CNTN6: variants seen among roughly 807,000 people sequenced by gnomAD.
CNTN6 encodes the protein contactin-6.
A neutral mutation model predicts 122.8 loss-of-function variants in CNTN6; 137 were observed. The ratio of observed to expected loss-of-function variants is 1.12; its 90% CI spans 0.97 to 1.29. CNTN6 has a LOEUF of 1.29. Ranked by LOEUF, CNTN6 falls within the 50% of genes most tolerant of loss-of-function variation. The probability of loss-of-function intolerance (pLI) is 0.00; values close to 1 mark genes in which losing one functional copy is unlikely to be tolerated. For synonymous variants in CNTN6, 570 were observed against 426.0 expected (o/e 1.34, Z -4.16); for missense variants, 1,634 against 1,223.4 (o/e 1.34, Z -5.01).
intron 1 of CNTN6, among the ~76,000 whole-genome samples, chr3:1,146,765 TG>T (rs2092731912): frequency 6.6e-6 from 1 of 152,180 alleles, no homozygotes; most frequent in African/African-American, 2.4e-5. Flanking sequence ...TAAATGCTTA[TG>T]AAAATATAAT....
intron 11 of CNTN6, among the ~76,000 whole-genome samples, chr3:1,340,811 T>A (rs1006337396): frequency 2.0e-5 from 3 of 152,104 alleles, no homozygotes; most frequent in Non-Finnish European, 4.4e-5. Flanking sequence ...TTTCAGATAC[T>A]CATGTCCTGA....
intron 7 of CNTN6, among the ~76,000 whole-genome samples, chr3:1,311,292 CATATACGTATATGTACATATAAAATGTAT>C (rs1699207139): frequency 7.1e-6 from 1 of 140,952 alleles, no homozygotes; most frequent in Non-Finnish European, 1.5e-5. Context: ...TTTATATATA[CATATACGTATATGTACATATAAAATGTAT>C]ATATACATAT....
intron 2 of CNTN6, among the ~76,000 whole-genome samples, chr3:1,177,751 C>T (rs2093477027): frequency 6.6e-6 from 1 of 151,678 alleles, no homozygotes; most frequent in Admixed American, 6.6e-5. Flanking sequence ...GGGAAATATT[C>T]TTTACTTTTT....
At chr3:1,291,445 G>C (rs560308403) in intron 5 of CNTN6, among the ~76,000 whole-genome samples, 2 of 152,154 alleles carry the variant, frequency 1.3e-5, no homozygotes, top group Non-Finnish European at 2.9e-5. Context: ...GATTTCTTGG[G>C]CACTAGTGGC....
intron 2 of CNTN6, among the ~76,000 whole-genome samples, chr3:1,160,018 A>G (rs1032459047): frequency 6.6e-6 from 1 of 151,992 alleles, no homozygotes; most frequent in African/African-American, 2.4e-5. Context: ...ACAAGGTTTC[A>G]TCATGTTGGC....
chr3:1,387,716 A>AGG (rs1693265723), intron 20 of CNTN6, among the ~76,000 whole-genome samples: 1 of 152,184 alleles, frequency 6.6e-6, no homozygotes, highest in East Asian at 1.9e-4. Context: ...CACCGTGCGC[A>AGG]AGCCGAAGCA....
intron 2 of CNTN6, among the ~76,000 whole-genome samples, chr3:1,191,649 A>T (rs1047854161): frequency 1.6e-4 from 24 of 152,122 alleles, no homozygotes; most frequent in African/African-American, 5.8e-4. Flanking sequence ...TGAAACTCCT[A>T]ATTTGTAGCC....
rs148726254 is a variant in CNTN6 at position 1,247,138 on chromosome 3, C to T, written c.358+19145C>T. Among the ~76,000 whole-genome samples, 328 of 152,110 alleles carry T rather than the reference C, an allele frequency of 2.2e-3. 1 individual carries two copies. The highest frequency in any genetic ancestry group is 0.01 in the East Asian group (52 of 5,172). ...ATCTTCTATAGTGTATTTTGTCCTT[C>T]GTATTTAAATTATAATGCACCTGCA... On this transcript the variant is annotated intron_variant, in intron 4 of 22. Transcript: ENST00000446702.
In CNTN6 at chr3:1,327,531, T is replaced by G. The variant is rs1483212275; in HGVS notation, c.1158T>G (p.Cys386Trp). Residue 386 changes from cysteine (C) to tryptophan (W), a missense_variant, in exon 10 of 23, where the codon TGT becomes TGG. Cys to Trp is a radical substitution (Grantham distance 215). Coordinates refer to ENST00000446702, the MANE Select transcript of CNTN6 (RefSeq NM_001289080.2). ...TGTCAGATTCTGGTGTGTACCAATG[T>G]GCTGCAGAAAACAAATATCAGATAA... ...LNVSDSGVYQCAAENKYQIIY... is the reference protein window; with the variant it reads ...LNVSDSGVYQWAAENKYQIIY... 1 of 1,611,002 alleles carries G rather than the reference T, an allele frequency of 6.2e-7. No homozygotes were observed. The highest frequency in any genetic ancestry group is 8.5e-7 in the Non-Finnish European group (1 of 1,178,130).
At chr3:1,327,186 C>G (rs1412606605) in intron 9 of CNTN6, among the ~76,000 whole-genome samples, 1 of 151,738 alleles carries the variant, frequency 6.6e-6, no homozygotes, top group Non-Finnish European at 1.5e-5. Flanking sequence ...CTATGTATAC[C>G]AAATAACAGA....
At chr3:1,350,852 C>T (rs915183538) in intron 11 of CNTN6, among the ~76,000 whole-genome samples, 3 of 151,772 alleles carry the variant, frequency 2.0e-5, no homozygotes, top group African/African-American at 7.2e-5. Context: ...AAGCTTCTCA[C>T]ATTTACCTCT....
At chr3:1,245,277 A>ATATATATAT (rs1559596997) in intron 4 of CNTN6, among the ~76,000 whole-genome samples, 3 of 4,616 alleles carry the variant, frequency 6.5e-4, no homozygotes, top group African/African-American at 1.1e-3. Flanking sequence ...ATATATATAC[A>ATATATATAT]CACACATATA....
At chr3:1,159,345 G>A (rs189294131) in intron 2 of CNTN6, among the ~76,000 whole-genome samples, 2 of 152,168 alleles carry the variant, frequency 1.3e-5, no homozygotes. Flanking sequence ...ACTGGACAAA[G>A]GGATGATTTC....
intron 5 of CNTN6, among the ~76,000 whole-genome samples, chr3:1,281,381 A>G (rs1693397500): frequency 6.6e-6 from 1 of 152,056 alleles, no homozygotes; most frequent in Non-Finnish European, 1.5e-5. Context: ...TATTTTTTAA[A>G]TCTCGTGTGT....
intron 20 of CNTN6, among the ~76,000 whole-genome samples, chr3:1,398,897 G>A (rs1052900208): frequency 6.6e-6 from 1 of 152,042 alleles, no homozygotes; most frequent in Non-Finnish European, 1.5e-5. Flanking sequence ...CTCGTTTTAT[G>A]CCCACAGAAA....
intron 1 of CNTN6, among the ~76,000 whole-genome samples, chr3:1,126,007 G>A (rs144129543): frequency 1.1e-3 from 166 of 151,860 alleles, no homozygotes; most frequent in African/African-American, 3.7e-3. Flanking sequence ...TCTTTCCACC[G>A]TTAACTATAC....
intron 1 of CNTN6, among the ~76,000 whole-genome samples, chr3:1,122,383 G>A (rs2091988060): frequency 6.8e-6 from 1 of 147,586 alleles, no homozygotes; most frequent in Non-Finnish European, 1.5e-5. Context: ...AGGAAGGGAG[G>A]AATGAAGGAG....
At chr3:1,340,414 A>T (rs184996834) in intron 11 of CNTN6, among the ~76,000 whole-genome samples, 1 of 152,324 alleles carries the variant, frequency 6.6e-6, no homozygotes, top group East Asian at 1.9e-4. Context: ...ATTCACATCA[A>T]TACAAAAATA....
At chr3:1,137,078 T>G (rs2125122610) in intron 1 of CNTN6, among the ~76,000 whole-genome samples, 1 of 152,334 alleles carries the variant, frequency 6.6e-6, no homozygotes, top group East Asian at 1.9e-4. Flanking sequence ...TTCCTCCTCC[T>G]ATTTTTCTAT....
Sources: allele counts gnomAD v4.1 joint callset (sites outside exome capture counted in the v4.1 genomes callset), GRCh38; gene constraint gnomAD v4.1.1; transcripts MANE v1.5; gene names NCBI Gene and HGNC (gene_info 2026-07-23, HGNC 2026-07-21).